Variants in ZNF804B observed in about 807,000 individuals in gnomAD.
ZNF804B encodes zinc finger 804B.
A neutral mutation model predicts 101.4 loss-of-function variants in ZNF804B; 80 were observed. The observed-to-expected ratio is 0.79, with a 90% CI of 0.66 to 0.95. ZNF804B has a LOEUF of 0.95. Among genes scored for constraint, ZNF804B ranks in the 40% least tolerant of loss-of-function variants. ZNF804B has a pLI of 0.00. For missense variants in ZNF804B, 1,673 were observed against 1,561.9 expected (o/e 1.07, Z -1.20); for synonymous variants, 622 against 558.8 (o/e 1.11, Z -1.59).
intron 2 of ZNF804B, among the ~76,000 whole-genome samples, chr7:89,292,609 C>A (rs1231410635): frequency 6.6e-6 from 1 of 151,770 alleles, no homozygotes; most frequent in Non-Finnish European, 1.5e-5. Context: ...GAAAAAATCA[C>A]CTTCACTGAA....
chr7:88,980,738 C>T (rs1464329664), intron 1 of ZNF804B, among the ~76,000 whole-genome samples: 1 of 152,006 alleles, frequency 6.6e-6, no homozygotes, highest in Non-Finnish European at 1.5e-5. Context: ...TGGCCATCAC[C>T]ATTGGGACTG....
At chr7:88,805,138 G>A (rs1424898762) in intron 1 of ZNF804B, among the ~76,000 whole-genome samples, 3 of 152,112 alleles carry the variant, frequency 2.0e-5, no homozygotes, top group Non-Finnish European at 4.4e-5. Flanking sequence ...TATATGATGA[G>A]TTACACATTT....
chr7:88,985,784 A>T (rs1793751294), intron 1 of ZNF804B, among the ~76,000 whole-genome samples: 1 of 152,100 alleles, frequency 6.6e-6, no homozygotes, highest in Non-Finnish European at 1.5e-5. Flanking sequence ...TTGAAAGGAG[A>T]AAAGTGTTCT....
At chr7:89,066,527 C>T (rs547863559) in intron 1 of ZNF804B, among the ~76,000 whole-genome samples, 13 of 152,016 alleles carry the variant, frequency 8.6e-5, no homozygotes, top group Admixed American at 1.3e-4. Context: ...TTTTCATTGA[C>T]GCCTGGCCAA....
chr7:89,078,723 GT>G (rs1191956805), intron 1 of ZNF804B, among the ~76,000 whole-genome samples: 3 of 150,422 alleles, frequency 2.0e-5, no homozygotes, highest in African/African-American at 7.3e-5. Context: ...AGTATGTCCA[GT>G]ATTATTTTCT....
chr7:88,835,736 T>C (rs1791205334), intron 1 of ZNF804B, among the ~76,000 whole-genome samples: 1 of 151,962 alleles, frequency 6.6e-6, no homozygotes, highest in African/African-American at 2.4e-5. Flanking sequence ...AGGTATTCTA[T>C]ATATGCATAT....
At chr7:89,157,658 A>T (rs999466942) in intron 1 of ZNF804B, among the ~76,000 whole-genome samples, 7 of 152,136 alleles carry the variant, frequency 4.6e-5, no homozygotes, top group Admixed American at 2.6e-4. Context: ...GAATTTTATT[A>T]TAGAGTTATT....
rs1791111505 is a variant in ZNF804B at position 89,337,208 on chromosome 7, T to A, written c.*176T>A. Among the ~76,000 whole-genome samples the A allele has an allele frequency of 2.0e-5, 3 of 152,278 alleles. No individual in the cohort carries two copies. In the South Asian group the frequency reaches 6.2e-4, roughly 32 times the overall value. ...ACTAAAACAAGAGCATTTTAATAAT[T>A]TTTTAGCTTGCCAAAATAATAGGCA... On this transcript the variant is annotated 3_prime_UTR_variant, in exon 4 of 4. Transcript: ENST00000333190.
At chr7:88,823,530 G>T (rs1165663162) in intron 1 of ZNF804B, among the ~76,000 whole-genome samples, 4 of 150,814 alleles carry the variant, frequency 2.7e-5, no homozygotes, top group Admixed American at 2.0e-4. Context: ...AGAATTTTAG[G>T]GGTCTGACAG....
At chr7:89,239,028 T>TGTA (rs1789323912) in intron 2 of ZNF804B, among the ~76,000 whole-genome samples, 1 of 152,180 alleles carries the variant, frequency 6.6e-6, no homozygotes, top group Non-Finnish European at 1.5e-5. Context: ...ATAAATCTAA[T>TGTA]CACTTCTCTA....
chr7:89,005,102 C>T (rs1359233072), intron 1 of ZNF804B, among the ~76,000 whole-genome samples: 1 of 151,984 alleles, frequency 6.6e-6, no homozygotes, highest in African/African-American at 2.4e-5. Flanking sequence ...GGCTTGACTG[C>T]ATTCTAAAGT....
At chr7:88,946,457 T>C (rs1426270774) in intron 1 of ZNF804B, among the ~76,000 whole-genome samples, 1 of 152,060 alleles carries the variant, frequency 6.6e-6, no homozygotes, top group Non-Finnish European at 1.5e-5. Context: ...TTGATTGTGG[T>C]GGATAAGCTT....
At chr7:88,794,390 G>C (rs202025178) in intron 1 of ZNF804B, 2 of 1,613,824 alleles carry the variant, frequency 1.2e-6, no homozygotes, top group African/African-American at 2.7e-5. Context: ...GTCTGGCAAA[G>C]GTAGAGTGAC....
intron 1 of ZNF804B, among the ~76,000 whole-genome samples, chr7:89,102,952 A>C (rs559775448): frequency 6.1e-5 from 9 of 148,642 alleles, no homozygotes; most frequent in Non-Finnish European, 1.2e-4. Context: ...TCCTTTCCCA[A>C]TTGTTTATTT....
chr7:88,845,471 T>C (rs901400320), intron 1 of ZNF804B, among the ~76,000 whole-genome samples: 2 of 152,074 alleles, frequency 1.3e-5, no homozygotes, highest in African/African-American at 4.8e-5. Flanking sequence ...TGAGGGACAA[T>C]GGGTAACCAT....
intron 2 of ZNF804B, among the ~76,000 whole-genome samples, chr7:89,286,286 AAAG>A (rs956206851): frequency 1.3e-5 from 2 of 152,126 alleles, no homozygotes; most frequent in Admixed American, 6.6e-5. Context: ...TCTCAAAAGA[AAAG>A]AAGAAGAAGA....
chr7:88,908,293 G>A (rs1792500945), intron 1 of ZNF804B, among the ~76,000 whole-genome samples: 1 of 150,590 alleles, frequency 6.6e-6, no homozygotes, highest in Admixed American at 6.6e-5. Flanking sequence ...GTGTATATGT[G>A]TTATACTCTG....
chr7:88,911,299 G>T (rs1266897287), intron 1 of ZNF804B, among the ~76,000 whole-genome samples: 1 of 151,574 alleles, frequency 6.6e-6, no homozygotes, highest in Non-Finnish European at 1.5e-5. Flanking sequence ...TTAAAGCTTT[G>T]TAGTGTATGA....
At chr7:89,150,831 A>G (rs894750828) in intron 1 of ZNF804B, among the ~76,000 whole-genome samples, 2 of 152,110 alleles carry the variant, frequency 1.3e-5, no homozygotes, top group African/African-American at 2.4e-5. Flanking sequence ...AGTCCTTCCC[A>G]GAGAGCATGG....
Sources: gnomAD v4.1 joint callset for allele counts (sites outside exome capture counted in the v4.1 genomes callset) on GRCh38, gnomAD v4.1.1 for gene constraint, MANE v1.5 for transcripts, NCBI Gene and HGNC (gene_info 2026-07-23, HGNC 2026-07-21) for gene names.